POLR3B: variants seen among roughly 807,000 people sequenced by gnomAD.
POLR3B encodes the protein DNA-directed RNA polymerase III subunit RPC2.
A neutral mutation model predicts 147.4 loss-of-function variants in POLR3B; 96 were observed. The ratio of observed to expected loss-of-function variants is 0.65; its 90% CI spans 0.55 to 0.77. The LOEUF is 0.77. POLR3B is among the 30% of genes least tolerant of loss of function. The pLI is 0.00. For synonymous variants in POLR3B, 461 were observed against 485.9 expected, an observed-to-expected ratio of 0.95 and a Z score of 0.67; for missense variants, 1,036 against 1,413.5, an observed-to-expected ratio of 0.73 and a Z score of 4.28.
At chr12:106,460,618 A>G (rs1224043325) in intron 22 of POLR3B, among the ~76,000 whole-genome samples, 1 of 152,234 alleles carries the variant, frequency 6.6e-6, no homozygotes, top group Non-Finnish European at 1.5e-5. Flanking sequence ...CTTCTACAGT[A>G]TGAAAAGCTA....
chr12:106,363,812 T>G, intron 1 of POLR3B, 58 bp from the exon 2 acceptor site: 1 of 1,282,034 alleles, frequency 7.8e-7, no homozygotes. Flanking sequence ...TTAAAATAAC[T>G]TATGAAAGTA....
intron 7 of POLR3B, among the ~76,000 whole-genome samples, 199 bp downstream of exon 7, chr12:106,376,649 A>G (rs1012793968): frequency 2.4e-5 from 3 of 127,440 alleles, no homozygotes; most frequent in Non-Finnish European, 4.9e-5. Flanking sequence ...ATAGTGTCTC[A>G]CTCTGTCATC....
chr12:106,490,520 A>G (rs932878193), intron 23 of POLR3B, among the ~76,000 whole-genome samples: 1 of 152,230 alleles, frequency 6.6e-6, no homozygotes, highest in African/African-American at 2.4e-5. Context: ...TGTAAGGAAG[A>G]GCCGAATTAA....
intron 6 of POLR3B, among the ~76,000 whole-genome samples, chr12:106,372,634 C>G (rs1482110228): frequency 6.6e-6 from 1 of 152,088 alleles, no homozygotes; most frequent in Non-Finnish European, 1.5e-5. Flanking sequence ...AACTACCATG[C>G]GTGGCCAATA....
chr12:106,459,175 A>G (rs1050058067), intron 21 of POLR3B, 76 bp from the exon 22 acceptor site: 6 of 859,066 alleles, frequency 7.0e-6, no homozygotes, highest in African/African-American at 6.6e-5. Flanking sequence ...AGGCCTGTGC[A>G]TCTTTGCCTA....
chr12:106,501,871 C>T lies in POLR3B; in HGVS notation c.3098+435C>T, dbSNP rs1000556219. On this transcript the variant is annotated intron_variant, in intron 26 of 27. Coordinates refer to ENST00000228347, the MANE Select transcript of POLR3B (RefSeq NM_018082.6). Reference sequence around the variant, plus strand: ...TTTTTTAAAACTAATGTTATTGAAGCATAAAGTACCTCCACTTGCAGACTT... The same window carrying T: ...TTTTTTAAAACTAATGTTATTGAAGTATAAAGTACCTCCACTTGCAGACTT... 7.2e-5 allele frequency among the ~76,000 whole-genome samples: 11 copies of T among 152,278 alleles called. No homozygotes were observed. The South Asian group carries it at 1.2e-3, about 17-fold the overall frequency.
At chr12:106,467,280 TG>T (rs1310739687) in intron 23 of POLR3B, among the ~76,000 whole-genome samples, 6 of 152,178 alleles carry the variant, frequency 3.9e-5, no homozygotes, top group Non-Finnish European at 7.3e-5. Context: ...TAGGAATGCT[TG>T]TGATTTTTGC....
intron 23 of POLR3B, among the ~76,000 whole-genome samples, chr12:106,483,362 A>C (rs917609466): frequency 2.6e-5 from 4 of 152,202 alleles, no homozygotes; most frequent in African/African-American, 9.6e-5. Flanking sequence ...GGTCATTTTT[A>C]AGTTACTGTT....
At chr12:106,422,684 G>A (rs1267918763) in intron 12 of POLR3B, among the ~76,000 whole-genome samples, 1 of 152,086 alleles carries the variant, frequency 6.6e-6, no homozygotes, top group Non-Finnish European at 1.5e-5. Flanking sequence ...AAGTTTTATT[G>A]TATGTGCAGA....
chr12:106,491,664 A>G (rs1210222315), intron 23 of POLR3B, among the ~76,000 whole-genome samples: 2 of 152,244 alleles, frequency 1.3e-5, no homozygotes, highest in African/African-American at 2.4e-5. Context: ...TGTGCTCCAC[A>G]TCATTTAGAG....
chr12:106,443,520 A>G (rs1053227655), intron 18 of POLR3B, among the ~76,000 whole-genome samples: 3 of 144,366 alleles, frequency 2.1e-5, no homozygotes, highest in Non-Finnish European at 3.1e-5. Context: ...TATAGTAACT[A>G]TTCTTTTTTT....
intron 6 of POLR3B, among the ~76,000 whole-genome samples, chr12:106,373,200 A>T (rs768457190): frequency 4.6e-5 from 7 of 152,116 alleles, no homozygotes; most frequent in Non-Finnish European, 8.8e-5. Flanking sequence ...AAAATCTCCC[A>T]CTATGATGGT....
At chr12:106,495,048 A>G (rs916511752) in intron 23 of POLR3B, among the ~76,000 whole-genome samples, 1 of 152,246 alleles carries the variant, frequency 6.6e-6, no homozygotes, top group African/African-American at 2.4e-5. Context: ...GATAGTTAAT[A>G]ACTTTATACA....
At chr12:106,448,427 C>CTTTTTTTTTTTTTTTTT (rs869133588) in intron 19 of POLR3B, among the ~76,000 whole-genome samples, 5 of 50,604 alleles carry the variant, frequency 9.9e-5, no homozygotes, top group African/African-American at 1.5e-4. Context: ...TACGTTATTT[C>CTTTTTTTTTTTTTTTTT]TTTTTTTTTT....
chr12:106,509,315 T>C, intron 27 of POLR3B, 105 bp from the exon 28 acceptor site: 2 of 1,156,816 alleles, frequency 1.7e-6, no homozygotes, highest in South Asian at 2.5e-5. Flanking sequence ...AAAGATAATT[T>C]GATAGAATGA....
chr12:106,376,973 C>G (rs1277637002), intron 7 of POLR3B, among the ~76,000 whole-genome samples: 1 of 152,124 alleles, frequency 6.6e-6, no homozygotes, highest in African/African-American at 2.4e-5. Context: ...TAATATGACA[C>G]ATTCTTGTTT....
At chr12:106,431,147 G>T (rs1565894393) in intron 14 of POLR3B, among the ~76,000 whole-genome samples, 1 of 152,124 alleles carries the variant, frequency 6.6e-6, no homozygotes, top group East Asian at 1.9e-4. Context: ...ATGAATATAT[G>T]CTGAATTAAT....
chr12:106,419,752 C>CT (rs1415263166), intron 12 of POLR3B, among the ~76,000 whole-genome samples: 1 of 95,156 alleles, frequency 1.1e-5, no homozygotes, highest in Non-Finnish European at 1.8e-5. Flanking sequence ...CTGAAGAAGT[C>CT]TACTTTTTTT....
intron 1 of POLR3B, among the ~76,000 whole-genome samples, chr12:106,360,805 A>C (rs2036459710): frequency 6.6e-6 from 1 of 152,222 alleles, no homozygotes; most frequent in South Asian, 2.1e-4. Context: ...AAGTTCAAAA[A>C]ATGTGTTTTC....
Sources: gnomAD v4.1 joint callset for allele counts (sites outside exome capture counted in the v4.1 genomes callset) on GRCh38, gnomAD v4.1.1 for gene constraint, MANE v1.5 for transcripts, NCBI Gene and HGNC (gene_info 2026-07-23, HGNC 2026-07-21) for gene names.